Variants in PDE8B observed in about 807,000 individuals in gnomAD.
PDE8B encodes the protein high affinity cAMP-specific and IBMX-insensitive 3',5'-cyclic phosphodiesterase 8B.
A neutral mutation model predicts 101.3 loss-of-function variants in PDE8B; 26 were observed. The observed-to-expected ratio is 0.26, with a 90% CI of 0.19 to 0.36. The LOEUF (loss-of-function observed/expected upper bound fraction) is 0.36. Among genes scored for constraint, PDE8B ranks in the 10% least tolerant of loss-of-function variants. The pLI is 1.00. For synonymous variants in PDE8B, 424 were observed against 429.3 expected (o/e 0.99, Z 0.15); for missense variants, 810 against 1,163.1 (o/e 0.70, Z 4.42).
At chr5:77,089,239 T>G in the PDE8B span, 1 of 152,262 alleles carries the variant, frequency 6.6e-6, no homozygotes, top group African/African-American at 2.4e-5. Context: ...CATTAGATTC[T>G]CATAGGAGCA....
intron 10 of PDE8B, among the ~76,000 whole-genome samples, chr5:77,385,977 C>T (rs550316273): frequency 9.1e-4 from 138 of 151,898 alleles, no homozygotes; most frequent in African/African-American, 3.0e-3. Flanking sequence ...TTAGTAGAGA[C>T]GGGGTTTCAC....
intron 1 of PDE8B, among the ~76,000 whole-genome samples, chr5:77,217,364 G>GAA (rs200398666): frequency 7.1e-6 from 1 of 140,984 alleles, no homozygotes; most frequent in Non-Finnish European, 1.6e-5. Flanking sequence ...CTCAAAAAGT[G>GAA]AAAAAAAAAA....
chr5:77,381,696 C>T (rs1787496747), intron 10 of PDE8B, among the ~76,000 whole-genome samples: 1 of 151,964 alleles, frequency 6.6e-6, no homozygotes, highest in Non-Finnish European at 1.5e-5. Flanking sequence ...GGGTTTTCTC[C>T]TACAAGAGAT....
the PDE8B span, among the ~76,000 whole-genome samples, chr5:77,177,803 C>T: frequency 1.3e-5 from 2 of 152,324 alleles, no homozygotes; most frequent in Middle Eastern, 3.4e-3. Context: ...GGACGATTCA[C>T]GTTCTGGGCA....
chr5:77,108,110 A>C, the PDE8B span, among the ~76,000 whole-genome samples: 1 of 152,252 alleles, frequency 6.6e-6, no homozygotes, highest in East Asian at 1.9e-4. Context: ...CTGGGATTGC[A>C]AAGATGAAGA....
intron 17 of PDE8B, among the ~76,000 whole-genome samples, chr5:77,414,393 T>G (rs1795112599): frequency 6.6e-6 from 1 of 152,182 alleles, no homozygotes; most frequent in Admixed American, 6.5e-5. Flanking sequence ...CCTGGATTCC[T>G]ACTACAGGTT....
chr5:77,175,811 C>T, the PDE8B span, among the ~76,000 whole-genome samples: 3 of 152,138 alleles, frequency 2.0e-5, no homozygotes, highest in Non-Finnish European at 4.4e-5. Context: ...TAAAATACCT[C>T]ACCACCGATT....
intron 1 of PDE8B, among the ~76,000 whole-genome samples, chr5:77,215,852 G>A (rs1749570978): frequency 6.6e-6 from 1 of 152,202 alleles, no homozygotes; most frequent in African/African-American, 2.4e-5. Flanking sequence ...GGGAGCAGGT[G>A]GGAATGTTGG....
At chr5:77,278,570 T>C (rs534632954) in intron 1 of PDE8B, among the ~76,000 whole-genome samples, 46 of 152,168 alleles carry the variant, frequency 3.0e-4, no homozygotes, top group East Asian at 9.7e-4. Flanking sequence ...CCCGGGTTCA[T>C]GCCATTCTCC....
intron 3 of PDE8B, 83 bp from the exon 4 acceptor site, chr5:77,328,915 T>G: frequency 9.8e-7 from 1 of 1,025,468 alleles, no homozygotes; most frequent in Non-Finnish European, 1.5e-6. Context: ...TGTTGTATCA[T>G]TTTCAGTGTG....
chr5:77,251,424 G>A (rs1758034440), intron 1 of PDE8B, among the ~76,000 whole-genome samples: 1 of 152,210 alleles, frequency 6.6e-6, no homozygotes, highest in African/African-American at 2.4e-5. Flanking sequence ...TCTGGGGCAT[G>A]CCCCCCTTCT....
intron 1 of PDE8B, among the ~76,000 whole-genome samples, chr5:77,219,388 C>T (rs909410882): frequency 1.3e-5 from 2 of 152,046 alleles, no homozygotes; most frequent in African/African-American, 2.4e-5. Context: ...TGAGATAAGA[C>T]CCTAAATTTT....
intron 20 of PDE8B, 39 bp from the exon 21 acceptor site, chr5:77,425,728 G>A (rs201152493): frequency 2.1e-4 from 342 of 1,606,804 alleles, no homozygotes; most frequent in Admixed American, 9.0e-4. Context: ...AAAGTGTCTC[G>A]CATGTCCTCC....
chr5:77,359,039 A>G (rs1782630183), intron 10 of PDE8B, among the ~76,000 whole-genome samples: 1 of 152,130 alleles, frequency 6.6e-6, no homozygotes, highest in African/African-American at 2.4e-5. Context: ...CACGTTTGGA[A>G]CAGCCAACCC....
At chr5:77,250,334 C>T (rs561907528) in intron 1 of PDE8B, among the ~76,000 whole-genome samples, 44 of 152,122 alleles carry the variant, frequency 2.9e-4, no homozygotes, top group Non-Finnish European at 5.3e-4. Flanking sequence ...AAATCCTTGC[C>T]GTCGCTGCTA....
At chr5:77,177,789 A>C in the PDE8B span, among the ~76,000 whole-genome samples, 39 of 152,340 alleles carry the variant, frequency 2.6e-4, no homozygotes, top group Non-Finnish European at 4.7e-4. Context: ...GACACTAGAC[A>C]AAGGGACGAT....
At chr5:77,114,331 A>G in the PDE8B span, 1 of 152,250 alleles carries the variant, frequency 6.6e-6, no homozygotes, top group Non-Finnish European at 1.5e-5. Context: ...CTATGCAGCC[A>G]TAAAAAAGGA....
At chr5:77,299,397 T>C (rs1769376576) in intron 1 of PDE8B, among the ~76,000 whole-genome samples, 1 of 150,778 alleles carries the variant, frequency 6.6e-6, no homozygotes, top group Non-Finnish European at 1.5e-5. Context: ...GCATTAGGTA[T>C]ATCTCCTAAT....
At chr5:77,421,752 TG>T in intron 19 of PDE8B, 68 bp from the exon 20 acceptor site, 1 of 1,482,456 alleles carries the variant, frequency 6.7e-7, no homozygotes, top group Non-Finnish European at 9.4e-7. Context: ...ATCGAATGCC[TG>T]GCGAATTAAC....
Sources: allele counts gnomAD v4.1 joint callset (sites outside exome capture counted in the v4.1 genomes callset), GRCh38; gene constraint gnomAD v4.1.1; transcripts MANE v1.5; gene names NCBI Gene and HGNC (gene_info 2026-07-23, HGNC 2026-07-21).